Variants in CATSPER2 observed in about 807,000 individuals in gnomAD.
CATSPER2 encodes cation channel sperm-associated protein 2.
A neutral mutation model predicts 68.8 loss-of-function variants in CATSPER2; 56 were observed. The ratio of observed to expected loss-of-function variants is 0.81; its 90% CI spans 0.66 to 1.02. The LOEUF is 1.02. Among genes scored for constraint, CATSPER2 ranks in the 50% least tolerant of loss-of-function variants. CATSPER2 has a pLI of 0.00. For synonymous variants in CATSPER2, 198 were observed against 229.9 expected (o/e 0.86, Z 1.26); for missense variants, 582 against 642.0 (o/e 0.91, Z 1.01).
At chr15:43,646,006 T>G (rs2086156497) in intron 4 of CATSPER2, among the ~76,000 whole-genome samples, 1 of 152,034 alleles carries the variant, frequency 6.6e-6, no homozygotes, top group African/African-American at 2.4e-5. Context: ...ATATCTTAGT[T>G]GTACCTACCT....
intron 11 of CATSPER2, 84 bp from the exon 12 acceptor site, chr15:43,632,447 A>G (rs2085891519): frequency 6.4e-7 from 1 of 1,556,652 alleles, no homozygotes; most frequent in Non-Finnish European, 8.8e-7. Flanking sequence ...TGTGGGTGGA[A>G]AGGTGGGGTG....
rs558359904 is a variant in CATSPER2 at position 43,645,099 on chromosome 15, C to T, written c.388+1951G>A. On this transcript the variant is annotated intron_variant, in intron 4 of 12. Coordinates refer to ENST00000396879, the MANE Select transcript of CATSPER2 (RefSeq NM_172095.4). ...TTTGAGACAGGGTCTCACTTTGTCA[C>T]CTAGGCTGGAGTTCCGTTGCATGAT... is the stretch of plus-strand genomic sequence containing the variant. Among the ~76,000 whole-genome samples the T allele has an allele frequency of 1.9e-4, 29 of 152,024 alleles. 1 individual carries two copies. The East Asian group carries it at 4.1e-3, about 21-fold the overall frequency.
At chr15:43,643,195 T>C (rs1455504523) in intron 4 of CATSPER2, among the ~76,000 whole-genome samples, 1 of 151,860 alleles carries the variant, frequency 6.6e-6, no homozygotes, top group Non-Finnish European at 1.5e-5. Flanking sequence ...TTCACATTGG[T>C]TTCAAGGAGT....
intron 4 of CATSPER2, chr15:43,642,605 CA>C (rs1431793343): frequency 8.2e-6 from 1 of 122,058 alleles, no homozygotes; most frequent in Non-Finnish European, 1.7e-5. Context: ...TTTGCCCTTG[CA>C]AAACAGGAAC....
In CATSPER2 at chr15:43,634,971, C is replaced by A. The variant is rs538578085; in HGVS notation, c.1178+389G>T. On this transcript the variant is annotated intron_variant, in intron 10 of 12. Coordinates refer to ENST00000396879, the MANE Select transcript of CATSPER2 (RefSeq NM_172095.4). ...CTTCTACCTTCTGGCAGCTGCCTGG[C>A]ATTCCTCAGCTTCCCTTGGCTTGCG... 1.0e-4 allele frequency: 26 copies of A among 259,748 alleles called. 1 individual carries two copies. The South Asian group carries it at 1.3e-3, about 13-fold the overall frequency. 16.1% of individuals were successfully genotyped at this position (259,748 alleles called of 1,614,324 possible).
chr15:43,647,796 C>T lies in CATSPER2; in HGVS notation c.145+121G>A, dbSNP rs138317603. 5.5e-5 allele frequency: 61 copies of T among 1,119,046 alleles called. No individual in the cohort carries two copies. In the East Asian group the frequency reaches 1.3e-3, roughly 24 times the overall value. 69.3% of individuals were successfully genotyped at this position (1,119,046 alleles called of 1,614,324 possible). On this transcript the variant is annotated intron_variant, in intron 2 of 12. Transcript: ENST00000396879. ...CTATCTCTTCAGTTTTATTTACAAG[C>T]CCTTGATTTATCAAGTTTGGTAAAC...
At chr15:43,641,827 G>A (rs1211628990) in intron 4 of CATSPER2, among the ~76,000 whole-genome samples, 1 of 151,828 alleles carries the variant, frequency 6.6e-6, no homozygotes, top group African/African-American at 2.4e-5. Flanking sequence ...TGGGTAACTG[G>A]GACCACAGGC....
intron 10 of CATSPER2, chr15:43,634,396 CAT>C (rs1415625162): frequency 2.0e-5 from 3 of 151,730 alleles, no homozygotes; most frequent in African/African-American, 7.3e-5. Context: ...AATTTTTGTT[CAT>C]AGAGACAGGA....
chr15:43,646,861 C>G (rs192566425), intron 4 of CATSPER2, among the ~76,000 whole-genome samples, 189 bp downstream of exon 4: 5 of 151,560 alleles, frequency 3.3e-5, no homozygotes. Flanking sequence ...ACTACAAGCG[C>G]GTGCTACCAA....
chr15:43,632,449 G>A, intron 11 of CATSPER2, 86 bp from the exon 12 acceptor site: 2 of 1,551,730 alleles, frequency 1.3e-6, no homozygotes, highest in Non-Finnish European at 1.8e-6. Flanking sequence ...TGGGTGGAAA[G>A]GTGGGGTGGA....
intron 6 of CATSPER2, 119 bp downstream of exon 6, chr15:43,639,524 C>T: frequency 6.4e-7 from 1 of 1,567,324 alleles, no homozygotes; most frequent in Non-Finnish European, 8.7e-7. Context: ...CTCGGCTTCC[C>T]AAAGTGCTGG....
intron 7 of CATSPER2, among the ~76,000 whole-genome samples, 158 bp downstream of exon 7, chr15:43,638,746 T>C (rs2086013379): frequency 6.6e-6 from 1 of 151,920 alleles, no homozygotes; most frequent in African/African-American, 2.4e-5. Context: ...GCTAATACCA[T>C]TCACTATTCT....
At position 43,648,281 on chromosome 15, in the gene CATSPER2, G is replaced by A. The variant is rs115778826; in HGVS notation, c.-2-218C>T. On this transcript the variant is annotated intron_variant, in intron 1 of 12. Transcript: ENST00000396879. ...TAAGTGGTAAAGACATTGCACAGTC[G>A]ACCAAGCGGCCAGGCATCTTCACTT... Among the ~76,000 whole-genome samples, 1,133 of 151,980 alleles carry A rather than the reference G, an allele frequency of 7.5e-3. 24 individuals carry two copies. The highest frequency in any genetic ancestry group is 0.026 in the African/African-American group (1,071 of 41,428).
intron 12 of CATSPER2, 72 bp from the exon 13 acceptor site, chr15:43,630,804 T>G: frequency 6.2e-7 from 1 of 1,611,040 alleles, no homozygotes; most frequent in Non-Finnish European, 8.5e-7. Context: ...GGTGAAGACC[T>G]TGCTTTTCTG....
chr15:43,638,238 G>A (rs944193405), intron 7 of CATSPER2, among the ~76,000 whole-genome samples: 4 of 148,462 alleles, frequency 2.7e-5, no homozygotes, highest in African/African-American at 1.0e-4. Context: ...ATAGGCATGA[G>A]CCACTGTGCC....
At chr15:43,633,337 T>C in intron 10 of CATSPER2, 1 of 282,002 alleles carries the variant, frequency 3.5e-6, no homozygotes, top group Non-Finnish European at 6.8e-6. Flanking sequence ...TCACTTCATG[T>C]CACTCCTCTG....
intron 2 of CATSPER2, 86 bp from the exon 3 acceptor site, chr15:43,647,553 A>G: frequency 7.8e-7 from 1 of 1,276,082 alleles, no homozygotes; most frequent in Non-Finnish European, 1.1e-6. Flanking sequence ...TGGTCAGGTA[A>G]TGGGTTCCCC....
intron 1 of CATSPER2, 102 bp from the exon 2 acceptor site, chr15:43,648,165 A>G: frequency 7.4e-7 from 1 of 1,346,398 alleles, no homozygotes; most frequent in Non-Finnish European, 1.1e-6. Context: ...TACCCTTAAG[A>G]TTCCTTAATG....
chr15:43,647,114 A>G lies in CATSPER2; in HGVS notation c.324T>C (p.Pro108=), dbSNP rs1482985114. The change falls in exon 4 of 13, where the codon CCT becomes CCC. Residue 108 remains proline (P), a synonymous_variant. Coordinates refer to ENST00000396879, the MANE Select transcript of CATSPER2 (RefSeq NM_172095.4). ...SLWAGWVLEC[P]LFKNFIIFLV... ...GGAAGATGATGAAGTTTTTGAAGAG[A>G]GGACCTGTTGTCTCTTAAGGAAATG... 1 of 1,611,836 alleles carries G rather than the reference A, an allele frequency of 6.2e-7. No homozygotes were observed. Among genetic ancestry groups the G allele is most frequent in the African/African-American group, 1.3e-5 (1 of 74,828 alleles).
Sources: gnomAD v4.1 joint callset for allele counts (sites outside exome capture counted in the v4.1 genomes callset) on GRCh38, gnomAD v4.1.1 for gene constraint, MANE v1.5 for transcripts, NCBI Gene and HGNC (gene_info 2026-07-23, HGNC 2026-07-21) for gene names.